The following DAB1 variants were observed in gnomAD, a reference collection of about 807,000 sequenced individuals.
DAB1 encodes the protein disabled homolog 1.
A neutral mutation model predicts 64.6 loss-of-function variants in DAB1; 15 were observed. The observed-to-expected ratio is 0.23, with a 90% CI of 0.16 to 0.36. DAB1 has a LOEUF of 0.36. DAB1 is among the 10% of genes least tolerant of loss of function. The pLI, the probability that DAB1 is intolerant of heterozygous loss-of-function variation, is 1.00. For synonymous variants in DAB1, 235 were observed against 251.9 expected (o/e 0.93, Z 0.64); for missense variants, 596 against 706.7 (o/e 0.84, Z 1.78).
At position 58,161,159 on chromosome 1, in the gene DAB1, C is replaced by T. The variant is rs116671874; in HGVS notation, n.310-10571G>A. 3.7e-3 allele frequency among the ~76,000 whole-genome samples: 564 copies of T among 152,248 alleles called. 6 individuals are homozygous for T. The highest frequency in any genetic ancestry group is 0.013 in the African/African-American group (548 of 41,568). On this transcript the variant is annotated intron_variant and non_coding_transcript_variant, in intron 4 of 20. Transcript: ENST00000485760. The stretch of plus-strand genomic sequence containing the variant: ...AGGAGTCTCAAAGAATGGAGTCTTC[C>T]CCTTTGTTCATTTATTTAATAACAT...
At chr1:57,165,248 AG>A (rs199854614) in intron 2 of DAB1, among the ~76,000 whole-genome samples, 93 of 151,482 alleles carry the variant, frequency 6.1e-4, no homozygotes, top group African/African-American at 1.9e-3. Flanking sequence ...AAGAAAAAAT[AG>A]GTTTTTTTTT....
chr1:58,313,694 G>A (rs979385080), intron 4 of DAB1, among the ~76,000 whole-genome samples: 1 of 152,128 alleles, frequency 6.6e-6, no homozygotes, highest in Non-Finnish European at 1.5e-5. Flanking sequence ...GGTGGCTTAA[G>A]CAGCCGACAT....
intron 3 of DAB1, among the ~76,000 whole-genome samples, chr1:58,470,741 T>TAAAGC (rs2100329446): frequency 6.6e-6 from 1 of 152,338 alleles, no homozygotes; most frequent in East Asian, 1.9e-4. Context: ...CCTGTCTACT[T>TAAAGC]AAAGCCTGGC....
chr1:58,314,300 C>T (rs969613112), intron 4 of DAB1, among the ~76,000 whole-genome samples: 2 of 152,168 alleles, frequency 1.3e-5, no homozygotes, highest in African/African-American at 4.8e-5. Context: ...CTACCTGATT[C>T]CAAAAGCCTG....
intron 7 of DAB1, among the ~76,000 whole-genome samples, chr1:57,456,919 C>T (rs561068124): frequency 1.3e-5 from 2 of 152,214 alleles, no homozygotes; most frequent in East Asian, 1.9e-4. Flanking sequence ...CCATTTCTAA[C>T]CTTCCATGTC....
chr1:57,156,430 T>G (rs1215570886), intron 2 of DAB1, among the ~76,000 whole-genome samples: 3 of 152,172 alleles, frequency 2.0e-5, no homozygotes, highest in Non-Finnish European at 4.4e-5. Flanking sequence ...GGAACTGAAA[T>G]TCATTTGACT....
chr1:58,539,556 T>G (rs1423841189), intron 1 of DAB1, among the ~76,000 whole-genome samples: 1 of 152,218 alleles, frequency 6.6e-6, no homozygotes, highest in East Asian at 1.9e-4. Context: ...TCATTTTTAA[T>G]TTTTAGTTAG....
Position 57,985,921 on chromosome 1 carries a change from C to T in DAB1, n.388-101759G>A, listed in dbSNP as rs12045790. 9.0e-3 allele frequency among the ~76,000 whole-genome samples: 1,372 copies of T among 152,290 alleles called. 39 individuals carry two copies. The highest frequency in any genetic ancestry group is 0.081 in the East Asian group (417 of 5,172). On this transcript the variant is annotated intron_variant and non_coding_transcript_variant, in intron 5 of 20. Transcript: ENST00000485760. Reference sequence around the variant, plus strand: ...ACTCTGCAAGGAGCTTCCCATCTATCAGGATGTTTTATCCTAACAGCCCTA... The same window carrying T: ...ACTCTGCAAGGAGCTTCCCATCTATTAGGATGTTTTATCCTAACAGCCCTA...
intron 3 of DAB1, among the ~76,000 whole-genome samples, chr1:58,417,849 T>C (rs1038883385): frequency 6.6e-6 from 1 of 152,172 alleles, no homozygotes; most frequent in Non-Finnish European, 1.5e-5. Context: ...GAGGGAACTG[T>C]CCTGCCACTT....
At chr1:57,044,590 G>T (rs1182468980) in intron 9 of DAB1, among the ~76,000 whole-genome samples, 2 of 152,220 alleles carry the variant, frequency 1.3e-5, no homozygotes, top group Non-Finnish European at 2.9e-5. Flanking sequence ...GCTAGGGAAT[G>T]AAGAAGGCAT....
At chr1:58,155,116 T>C (rs917787237) in intron 4 of DAB1, among the ~76,000 whole-genome samples, 3 of 152,178 alleles carry the variant, frequency 2.0e-5, no homozygotes, top group African/African-American at 7.2e-5. Context: ...TCTGAGGATG[T>C]CAGCTGGTAC....
At chr1:58,154,464 A>AT (rs1288810266) in intron 4 of DAB1, among the ~76,000 whole-genome samples, 1 of 152,054 alleles carries the variant, frequency 6.6e-6, no homozygotes, top group Non-Finnish European at 1.5e-5. Flanking sequence ...TCATTCATTC[A>AT]TTCATTCATT....
chr1:58,447,555 G>A (rs1645081994), intron 3 of DAB1, among the ~76,000 whole-genome samples: 1 of 152,162 alleles, frequency 6.6e-6, no homozygotes, highest in South Asian at 2.1e-4. Flanking sequence ...AACACTGCCA[G>A]CCTTCCCAGA....
At chr1:57,677,156 C>G (rs540923919) in intron 6 of DAB1, among the ~76,000 whole-genome samples, 1 of 152,140 alleles carries the variant, frequency 6.6e-6, no homozygotes, top group East Asian at 1.9e-4. Context: ...AAGGTGGCCA[C>G]CTGTGAAACA....
At chr1:57,850,737 C>G (rs536001404) in intron 1 of DAB1, among the ~76,000 whole-genome samples, 8 of 152,190 alleles carry the variant, frequency 5.3e-5, no homozygotes, top group Non-Finnish European at 1.0e-4. Flanking sequence ...CCTGCCTCCC[C>G]CTCTGTATCT....
intron 2 of DAB1, among the ~76,000 whole-genome samples, chr1:58,523,899 A>G (rs561990155): frequency 4.6e-5 from 7 of 152,248 alleles, no homozygotes; most frequent in Non-Finnish European, 7.4e-5. Flanking sequence ...ACTCCATCTC[A>G]AAAAAAGAAA....
chr1:57,354,680 T>C (rs1156345979), intron 1 of DAB1, among the ~76,000 whole-genome samples: 1 of 152,086 alleles, frequency 6.6e-6, no homozygotes, highest in Non-Finnish European at 1.5e-5. Flanking sequence ...CCTGAGAGTC[T>C]GAAAAAGGAA....
intron 7 of DAB1, among the ~76,000 whole-genome samples, chr1:57,476,172 G>A (rs1414066946): frequency 6.7e-6 from 1 of 150,054 alleles, no homozygotes; most frequent in East Asian, 2.0e-4. Flanking sequence ...GTTGCAGTGA[G>A]CCGAGGTCAC....
chr1:57,139,273 T>C (rs926236062), intron 3 of DAB1, among the ~76,000 whole-genome samples: 1 of 152,042 alleles, frequency 6.6e-6, no homozygotes, highest in African/African-American at 2.4e-5. Flanking sequence ...AGGAGTTCAT[T>C]CCCCTTTCTG....
Sources: allele counts gnomAD v4.1 joint callset (sites outside exome capture counted in the v4.1 genomes callset), GRCh38; gene constraint gnomAD v4.1.1; transcripts MANE v1.5; gene names NCBI Gene and HGNC (gene_info 2026-07-23, HGNC 2026-07-21).